Variants in ZFYVE28 observed in about 807,000 individuals in gnomAD.
The protein encoded by ZFYVE28 is lateral signaling target protein 2 homolog.
Under a neutral mutation model 82.1 loss-of-function variants are expected in ZFYVE28, and 40 were observed. That is an observed-to-expected ratio of 0.49 (90% CI 0.38 to 0.63). The LOEUF (loss-of-function observed/expected upper bound fraction) is 0.63, where lower values mean the gene tolerates loss of function less well. Ranked by LOEUF, ZFYVE28 falls within the 30% of genes least tolerant of loss-of-function variation. The pLI is 0.00. For synonymous variants in ZFYVE28, 612 were observed against 546.1 expected (o/e 1.12, Z -1.68); for missense variants, 1,321 against 1,242.1 (o/e 1.06, Z -0.96).
chr4:2,404,320 A>AAAAAC (rs35526732), intron 1 of ZFYVE28, among the ~76,000 whole-genome samples: 2 of 41,424 alleles, frequency 4.8e-5, no homozygotes, highest in East Asian at 5.5e-4. Flanking sequence ...AAAAAAAAAA[A>AAAAAC]AAAAAAAACG....
chr4:2,311,725 C>T (rs1578032349), intron 7 of ZFYVE28, among the ~76,000 whole-genome samples: 1 of 152,034 alleles, frequency 6.6e-6, no homozygotes, highest in Non-Finnish European at 1.5e-5. Flanking sequence ...TAATTTATAG[C>T]ATTTAGTGCT....
intron 10 of ZFYVE28, 60 bp from the exon 11 acceptor site, chr4:2,271,839 C>T: frequency 6.8e-7 from 1 of 1,464,820 alleles, no homozygotes; most frequent in Non-Finnish European, 9.5e-7. Context: ...GATGCAGGGT[C>T]ACCTGCACTT....
intron 8 of ZFYVE28, among the ~76,000 whole-genome samples, chr4:2,299,866 A>G (rs915421722): frequency 1.3e-5 from 2 of 151,996 alleles, no homozygotes; most frequent in South Asian, 4.1e-4. Flanking sequence ...GTACAGTCAT[A>G]GGTCACTGCA....
chr4:2,341,349 G>C lies in ZFYVE28; in HGVS notation c.318+129C>G. On this transcript the variant is annotated intron_variant, in intron 3 of 12. Transcript: ENST00000290974. The surrounding 1 kb of genome is among the most constrained non-coding windows in gnomAD (Gnocchi z 4.5). Reference sequence around the variant, plus strand: ...GGCTCAGACCACACCACGTAACCCAGAGTGGACGGAGCTCTTGGAGGAGAC... The same window carrying C: ...GGCTCAGACCACACCACGTAACCCACAGTGGACGGAGCTCTTGGAGGAGAC... The C allele has an allele frequency of 7.6e-7, 1 of 1,311,676 alleles. No individual in the cohort carries two copies. Among genetic ancestry groups the C allele is most frequent in the South Asian group, 1.4e-5 (1 of 71,712 alleles). 81.3% of individuals were successfully genotyped at this position (1,311,676 alleles called of 1,614,324 possible).
At chr4:2,279,777 CAAAAAAA>C (rs1166588910) in intron 8 of ZFYVE28, among the ~76,000 whole-genome samples, 1 of 105,080 alleles carries the variant, frequency 9.5e-6, no homozygotes, top group Non-Finnish European at 2.0e-5. Context: ...GAGACTCCTT[CAAAAAAA>C]AAAAAAAAAA....
intron 8 of ZFYVE28, among the ~76,000 whole-genome samples, chr4:2,279,604 CCT>C (rs1288605031): frequency 6.6e-6 from 1 of 151,946 alleles, no homozygotes; most frequent in East Asian, 1.9e-4. Context: ...ACGATGAAAC[CCT>C]GTCTCTACTA....
At chr4:2,336,655 T>TTGAGGAG (rs1445545308) in intron 5 of ZFYVE28, among the ~76,000 whole-genome samples, 12 of 136,742 alleles carry the variant, frequency 8.8e-5, no homozygotes, top group African/African-American at 2.9e-4. Flanking sequence ...GGAGTGAGGA[T>TTGAGGAG]TGAGGAGTGA....
Position 2,304,411 on chromosome 4 carries a change from C to T in ZFYVE28, c.1929G>A (p.Val643=). 6.2e-7 allele frequency: 1 copy of T among 1,613,540 alleles called. No individual in the cohort carries two copies. The highest frequency in any genetic ancestry group is 8.5e-7 in the Non-Finnish European group (1 of 1,180,008). Residue 643 remains valine, a synonymous_variant, in exon 8 of 13, where the codon GTG becomes GTA. Coordinates refer to ENST00000290974, the MANE Select transcript of ZFYVE28 (RefSeq NM_020972.3). ...KCLPHTSGSQ[V]DTASGLQGEA... is the part of the protein sequence containing the mutation. The stretch of plus-strand genomic sequence containing the variant: ...CTCCTTGCAGCCCACTCGCTGTGTC[C>T]ACCTGGGAACCTGAGGTGTGAGGCA...
chr4:2,348,436 A>G (rs1170134407), intron 2 of ZFYVE28, among the ~76,000 whole-genome samples: 1 of 152,254 alleles, frequency 6.6e-6, no homozygotes, highest in Non-Finnish European at 1.5e-5. Flanking sequence ...AGAATCCTTC[A>G]CAACTCATCT....
At chr4:2,338,209 GC>G in intron 4 of ZFYVE28, among the ~76,000 whole-genome samples, 1 of 152,398 alleles carries the variant, frequency 6.6e-6, no homozygotes, top group Middle Eastern at 3.4e-3. Context: ...GGGCACAGCG[GC>G]TTGCAGGAGG....
intron 1 of ZFYVE28, among the ~76,000 whole-genome samples, chr4:2,386,809 G>A (rs994733264): frequency 2.6e-5 from 4 of 152,244 alleles, no homozygotes; most frequent in East Asian, 3.8e-4. Context: ...AACAGACTAA[G>A]ACAGGCGCTT....
At chr4:2,412,029 C>G (rs142953125) in intron 1 of ZFYVE28, among the ~76,000 whole-genome samples, 61 of 152,314 alleles carry the variant, frequency 4.0e-4, no homozygotes, top group Middle Eastern at 3.4e-3. Context: ...TGAGTGAGCA[C>G]ATGGCAGCAT....
intron 6 of ZFYVE28, among the ~76,000 whole-genome samples, chr4:2,325,761 CT>C (rs1469321137): frequency 6.6e-6 from 1 of 152,080 alleles, no homozygotes; most frequent in Non-Finnish European, 1.5e-5. Flanking sequence ...ACCACCACAT[CT>C]GGCTTTTTGC....
chr4:2,271,411 G>A lies in ZFYVE28; in HGVS notation c.2432C>T (p.Pro811Leu). The A allele has an allele frequency of 6.2e-7, 1 of 1,612,676 alleles. No individual in the cohort carries two copies. Among genetic ancestry groups the A allele is most frequent in the South Asian group, 1.1e-5 (1 of 90,998 alleles). Residue 811 changes from proline (P) to leucine (L), a missense_variant, in exon 12 of 13, where the codon CCC becomes CTC. Around this residue, in one of 2 missense-constraint regions of ZFYVE28, gnomAD observed 978 missense variants for 833.7 expected, o/e 1.17. Coordinates refer to ENST00000290974, the MANE Select transcript of ZFYVE28 (RefSeq NM_020972.3). Reference sequence around the variant, plus strand: ...GGCCTCGTCTGGCACCCACTCCGGGGGGTCTGTCACAACAACAGCAGCGTC... The same window carrying A: ...GGCCTCGTCTGGCACCCACTCCGGGAGGTCTGTCACAACAACAGCAGCGTC... Reference protein sequence around the residue: ...AKTRDGDFEDPPEWVPDEACG... With the variant: ...AKTRDGDFEDLPEWVPDEACG...
At position 2,369,155 on chromosome 4, in the gene ZFYVE28, G is replaced by A. The variant is rs190430662; in HGVS notation, c.40-15082C>T. Among the ~76,000 whole-genome samples the A allele has an allele frequency of 9.2e-5, 14 of 152,316 alleles. No individual in the cohort carries two copies. The East Asian group carries it at 2.3e-3, about 25-fold the overall frequency. On this transcript the variant is annotated intron_variant, in intron 1 of 12. Coordinates refer to ENST00000290974, the MANE Select transcript of ZFYVE28 (RefSeq NM_020972.3). ...CTAAGGGCAGGTGGTGCTTAGAGGG[G>A]CATCCCTGCCATCCTTCCTCCTGGT...
rs868344766 is a variant in ZFYVE28, at chr4:2,359,154, T to C, written c.40-5081A>G. Among the ~76,000 whole-genome samples, 133 of 151,738 alleles carry C rather than the reference T, an allele frequency of 8.8e-4. 1 individual carries two copies. The highest frequency in any genetic ancestry group is 6.3e-4 in the South Asian group (3 of 4,796). ...CAGGCCCGGCTAATTTTTTTTTTTTTGTATTTTTAGTAGAGATGGGGTTTC... is the reference window on the plus strand; with the variant it reads ...CAGGCCCGGCTAATTTTTTTTTTTTCGTATTTTTAGTAGAGATGGGGTTTC... On this transcript the variant is annotated intron_variant, in intron 1 of 12. Coordinates refer to ENST00000290974, the MANE Select transcript of ZFYVE28 (RefSeq NM_020972.3).
intron 1 of ZFYVE28, among the ~76,000 whole-genome samples, chr4:2,368,882 G>C (rs1292159869): frequency 1.3e-5 from 2 of 152,222 alleles, no homozygotes; most frequent in African/African-American, 4.8e-5. Flanking sequence ...TTGAGCAACT[G>C]CCAGGCTACT....
intron 1 of ZFYVE28, among the ~76,000 whole-genome samples, chr4:2,385,815 C>G (rs896723206): frequency 2.6e-5 from 4 of 152,198 alleles, no homozygotes; most frequent in African/African-American, 9.7e-5. Flanking sequence ...GCTCCCAGCT[C>G]CTTGCTTAAG....
chr4:2,272,710 G>A (rs1319781071), intron 10 of ZFYVE28, among the ~76,000 whole-genome samples: 1 of 152,218 alleles, frequency 6.6e-6, no homozygotes, highest in Non-Finnish European at 1.5e-5. Context: ...GTTCGGGGTG[G>A]GCAGCCTCGG....
Sources: allele counts gnomAD v4.1 joint callset (sites outside exome capture counted in the v4.1 genomes callset), GRCh38; gene constraint gnomAD v4.1.1; regional missense constraint gnomAD v4.1.1; non-coding constraint Gnocchi (gnomAD v3.1); transcripts MANE v1.5; gene names NCBI Gene and HGNC (gene_info 2026-07-23, HGNC 2026-07-21).